Variants in COG4 observed in about 807,000 individuals in gnomAD.
COG4 encodes the protein component of oligomeric golgi complex 4.
Under a neutral mutation model 95.1 loss-of-function variants are expected in COG4, and 65 were observed. The observed-to-expected ratio is 0.68, with a 90% CI of 0.56 to 0.84. The LOEUF (loss-of-function observed/expected upper bound fraction) is 0.84. Among genes scored for constraint, COG4 ranks in the 40% least tolerant of loss-of-function variants. The pLI is 0.00. For synonymous variants in COG4, 421 were observed against 374.8 expected, an observed-to-expected ratio of 1.12 and a Z score of -1.42; for missense variants, 1,045 against 989.1, an observed-to-expected ratio of 1.06 and a Z score of -0.76.
At position 70,480,931 on chromosome 16, in the gene COG4, C is replaced by T; in HGVS notation, c.*79G>A. 1.3e-6 allele frequency: 2 copies of T among 1,564,516 alleles called. No homozygotes were observed. Among genetic ancestry groups the T allele is most frequent in the Admixed American group, 3.3e-5 (2 of 59,866 alleles). ...GTCAGATCTCCCCCAAGCCAGACAG[C>T]CTCGCTCAGCTCCTTGGCTGGGGCC... On this transcript the variant is annotated 3_prime_UTR_variant, in exon 19 of 19. Coordinates refer to ENST00000323786, the MANE Select transcript of COG4 (RefSeq NM_015386.3).
In COG4 at chr16:70,515,723, GCTTGCTTGTT is replaced by G. The variant is rs144748802; in HGVS notation, c.370-1224_370-1215del. 1.7e-3 allele frequency: 351 copies of G among 205,850 alleles called. 4 individuals are homozygous for G. The East Asian group carries it at 0.038, about 23-fold the overall frequency. 12.8% of individuals were successfully genotyped at this position (205,850 alleles called of 1,614,324 possible). On this transcript the variant is annotated intron_variant, in intron 3 of 18. Coordinates refer to ENST00000323786, the MANE Select transcript of COG4 (RefSeq NM_015386.3). Reference sequence around the variant, plus strand: ...ATCAATCAATAAATAAATAAAACATGCTTGCTTGTTCTAGAGACATAGTAAGAGAAGACAC... The same window carrying G: ...ATCAATCAATAAATAAATAAAACATGCTAGAGACATAGTAAGAGAAGACAC...
intron 9 of COG4, among the ~76,000 whole-genome samples, chr16:70,498,567 C>T (rs1597669574): frequency 5.3e-5 from 8 of 152,104 alleles, no homozygotes; most frequent in Admixed American, 2.6e-4. Context: ...TTAGGTGATC[C>T]GCCTGCCTCA....
chr16:70,515,783 G>A, intron 3 of COG4: 1 of 294,838 alleles, frequency 3.4e-6, no homozygotes, highest in South Asian at 3.0e-5. Flanking sequence ...TCATCTTAGG[G>A]GGAAAGAATC....
chr16:70,495,474 G>A (rs547530337), intron 12 of COG4, among the ~76,000 whole-genome samples: 18 of 151,820 alleles, frequency 1.2e-4, no homozygotes, highest in South Asian at 2.1e-4. Context: ...ACATTTTTGC[G>A]TCCAACCCCA....
In COG4 at chr16:70,500,994, C is replaced by T. The variant is rs1381890109; in HGVS notation, c.1159G>A (p.Val387Met). Residue 387 changes from valine (V) to methionine (M), a missense_variant, in exon 9 of 19, where the codon GTG becomes ATG. Coordinates refer to ENST00000323786, the MANE Select transcript of COG4 (RefSeq NM_015386.3). ...TCCTCTGAGGCCATGGAGTCTCCCA[C>T]CTCAAAATCAGAGCTAATCCTCTTC... is the stretch of plus-strand genomic sequence containing the variant. ...LKKRISSDFE[V>M]GDSMASEEVK... 2 of 1,614,148 alleles carry T rather than the reference C, an allele frequency of 1.2e-6. No individual in the cohort carries two copies. Among genetic ancestry groups the T allele is most frequent in the Admixed American group, 1.7e-5 (1 of 60,028 alleles).
intron 4 of COG4, among the ~76,000 whole-genome samples, chr16:70,513,786 T>C (rs2049761416): frequency 6.6e-6 from 1 of 152,188 alleles, no homozygotes; most frequent in Non-Finnish European, 1.5e-5. Context: ...TGGACTAAGG[T>C]TGACCATGAA....
chr16:70,487,975 C>G (rs541299178), intron 13 of COG4, among the ~76,000 whole-genome samples: 1 of 152,078 alleles, frequency 6.6e-6, no homozygotes, highest in South Asian at 2.1e-4. Flanking sequence ...CAGGTGTGCA[C>G]CACCACAACC....
intron 13 of COG4, among the ~76,000 whole-genome samples, chr16:70,487,716 A>G (rs1220905674): frequency 2.6e-5 from 4 of 152,172 alleles, no homozygotes; most frequent in Admixed American, 6.5e-5. Context: ...TGAGTTTGGG[A>G]GTGGGGAAGA....
intron 13 of COG4, among the ~76,000 whole-genome samples, chr16:70,486,574 CTA>C (rs2049140607): frequency 6.6e-6 from 1 of 152,186 alleles, no homozygotes; most frequent in African/African-American, 2.4e-5. Flanking sequence ...GGTTTTTCAG[CTA>C]TTTTACTTGG....
chr16:70,483,098 C>G (rs2049042084), intron 14 of COG4, among the ~76,000 whole-genome samples: 1 of 102,950 alleles, frequency 9.7e-6, no homozygotes, highest in Non-Finnish European at 2.0e-5. Context: ...TTCTCCCTAC[C>G]CCATCCCTCT....
chr16:70,491,181 T>A (rs2049236176), intron 12 of COG4, among the ~76,000 whole-genome samples: 1 of 152,014 alleles, frequency 6.6e-6, no homozygotes, highest in Admixed American at 6.6e-5. Flanking sequence ...ACACGTATTA[T>A]CAAGCCCAGT....
chr16:70,523,064 T>C, intron 1 of COG4: 1 of 391,398 alleles, frequency 2.6e-6, no homozygotes, highest in Non-Finnish European at 4.7e-6. Flanking sequence ...ACCAAGCAAT[T>C]TGGCAAATAC....
intron 13 of COG4, among the ~76,000 whole-genome samples, chr16:70,487,629 T>C (rs1157932396): frequency 6.6e-6 from 1 of 152,134 alleles, no homozygotes; most frequent in Non-Finnish European, 1.5e-5. Context: ...ACACATACGA[T>C]GTGACAGATA....
intron 8 of COG4, among the ~76,000 whole-genome samples, chr16:70,505,185 C>T (rs997556412): frequency 1.0e-4 from 15 of 148,862 alleles, no homozygotes; most frequent in East Asian, 2.0e-4. Flanking sequence ...ATATATTTTA[C>T]GTTTGGATTT....
At position 70,511,571 on chromosome 16, in the gene COG4, C is replaced by T. The variant is rs571168191; in HGVS notation, c.738+668G>A. On this transcript the variant is annotated intron_variant, in intron 5 of 18. Coordinates refer to ENST00000323786, the MANE Select transcript of COG4 (RefSeq NM_015386.3). ...CTATAAAAAAAAAAAAAAATTGCAA[C>T]GCATGGTGGCATGTGCCTGCAGTCT... Among the ~76,000 whole-genome samples, 40 of 151,174 alleles carry T rather than the reference C, an allele frequency of 2.6e-4. No homozygotes were observed. In the East Asian group the frequency reaches 4.5e-3, roughly 17 times the overall value.
Position 70,496,452 on chromosome 16 carries a change from G to A in COG4, c.1482-21C>T, listed in dbSNP as rs368765825. ...CATCCCTGGGGGGCAGGATTGCATA[G>A]AGGAATTGACAGTGCTCAACTTGGC... On this transcript the variant is annotated intron_variant, in intron 11 of 18. Coordinates refer to ENST00000323786, the MANE Select transcript of COG4 (RefSeq NM_015386.3). The A allele has an allele frequency of 6.8e-6, 11 of 1,613,710 alleles. No homozygotes were observed. In the African/African-American group the frequency reaches 1.2e-4, roughly 18 times the overall value.
chr16:70,510,249 T>G (rs188863801), intron 5 of COG4, among the ~76,000 whole-genome samples: 5 of 152,326 alleles, frequency 3.3e-5, no homozygotes, highest in African/African-American at 1.2e-4. Context: ...TTTCTTCTCT[T>G]GGAAAATATG....
In COG4 at chr16:70,517,656, G is replaced by A. The variant is rs1178516238; in HGVS notation, c.339C>T (p.Ser113=). Reference sequence around the variant, plus strand: ...CCAGGTCAAGCTGACGAACTTTGCTGGACACATTCTCAGCCAGGTTGCAGG... The same window carrying A: ...CCAGGTCAAGCTGACGAACTTTGCTAGACACATTCTCAGCCAGGTTGCAGG... The part of the protein sequence containing the change: ...TFTCNLAENV[S]SKVRQLDLAK... Residue 113 remains serine (S), a synonymous_variant, in exon 3 of 19, where the codon TCC becomes TCT. Transcript: ENST00000323786. 8.1e-6 allele frequency: 13 copies of A among 1,608,746 alleles called. No individual in the cohort carries two copies. In the Middle Eastern group the frequency reaches 6.6e-4, roughly 82 times the overall value.
chr16:70,514,628 A>C (rs965441604), intron 3 of COG4, 119 bp from the exon 4 acceptor site: 22 of 782,242 alleles, frequency 2.8e-5, no homozygotes, highest in Non-Finnish European at 4.4e-5. Flanking sequence ...AATCTCACAA[A>C]CACCACCACT....
Sources: gnomAD v4.1 joint callset for allele counts (sites outside exome capture counted in the v4.1 genomes callset) on GRCh38, gnomAD v4.1.1 for gene constraint, MANE v1.5 for transcripts, NCBI Gene and HGNC (gene_info 2026-07-23, HGNC 2026-07-21) for gene names.